EVC2: variants seen among roughly 807,000 people sequenced by gnomAD.
The protein encoded by EVC2 is limbin.
In EVC2, 148 loss-of-function variants were observed where a neutral mutation model predicts 149.3. The observed-to-expected ratio is 0.99, with a 90% CI of 0.87 to 1.14. EVC2 has a LOEUF of 1.14. Among genes scored for constraint, EVC2 ranks in the 50% most tolerant of loss-of-function variants. The pLI is 0.00. For synonymous variants in EVC2, 776 were observed against 649.9 expected, an observed-to-expected ratio of 1.19 and a Z score of -2.95; for missense variants, 1,854 against 1,627.3, an observed-to-expected ratio of 1.14 and a Z score of -2.40.
At chr4:5,532,673 C>T in the EVC2 span, among the ~76,000 whole-genome samples, 1 of 152,152 alleles carries the variant, frequency 6.6e-6, no homozygotes, top group African/African-American at 2.4e-5. Context: ...TAAGTGTGGC[C>T]ACTGCTGCCT....
At chr4:5,544,076 G>C (rs899795282) in intron 21 of EVC2, among the ~76,000 whole-genome samples, 6 of 152,130 alleles carry the variant, frequency 3.9e-5, no homozygotes, top group African/African-American at 1.2e-4. Context: ...ACACCCACTT[G>C]CCACATGAAA....
intron 1 of EVC2, among the ~76,000 whole-genome samples, chr4:5,698,109 G>A (rs920835517): frequency 2.0e-5 from 3 of 152,050 alleles, no homozygotes; most frequent in Non-Finnish European, 4.4e-5. Flanking sequence ...GGCCATTCCC[G>A]GCAGCTTCTG....
rs2108770795 is a variant in EVC2, at chr4:5,568,522, T to A, written c.3479A>T (p.Asp1160Val). The change falls in exon 20 of 22, where the codon GAT becomes GTT. Residue 1160 changes from aspartate to valine, a missense_variant. Physicochemically the swap from Asp to Val is radical, Grantham distance 152 (BLOSUM62 -3). Coordinates refer to ENST00000344408, the MANE Select transcript of EVC2 (RefSeq NM_147127.5). Reference sequence around the variant, plus strand: ...GTCCACATGTCTCTCGGTGGCCGAATCCAGCAGGGCCAGCAGCTGAGGCTG... The same window carrying A: ...GTCCACATGTCTCTCGGTGGCCGAAACCAGCAGGGCCAGCAGCTGAGGCTG... Reference protein sequence around the residue: ...ASQPQLLALLDSATERHVDHA... With the variant: ...ASQPQLLALLVSATERHVDHA... 1.9e-6 allele frequency: 3 copies of A among 1,591,820 alleles called. No individual in the cohort carries two copies. Among genetic ancestry groups the A allele is most frequent in the Non-Finnish European group, 2.6e-6 (3 of 1,175,092 alleles).
intron 16 of EVC2, among the ~76,000 whole-genome samples, chr4:5,593,369 T>A (rs1369554748): frequency 6.6e-6 from 1 of 152,162 alleles, no homozygotes; most frequent in Non-Finnish European, 1.5e-5. Context: ...CAATAAACAT[T>A]TACTCCTGTT....
At chr4:5,536,646 T>C in the EVC2 span, among the ~76,000 whole-genome samples, 4 of 152,026 alleles carry the variant, frequency 2.6e-5, no homozygotes, top group Non-Finnish European at 5.9e-5. Flanking sequence ...TAGCTGGGCA[T>C]GGTGGCGGGC....
At chr4:5,608,565 G>A (rs944697642) in intron 16 of EVC2, among the ~76,000 whole-genome samples, 6 of 152,046 alleles carry the variant, frequency 3.9e-5, no homozygotes, top group African/African-American at 7.2e-5. Context: ...ACAGAGTCTC[G>A]GTCGGTCGTC....
intron 21 of EVC2, among the ~76,000 whole-genome samples, chr4:5,552,760 A>G (rs1285471897): frequency 6.6e-6 from 1 of 152,222 alleles, no homozygotes; most frequent in African/African-American, 2.4e-5. Context: ...GAGACAGACA[A>G]TGAACTGAGA....
At position 5,574,794 on chromosome 4, in the gene EVC2, C is replaced by G. The variant is rs113681497; in HGVS notation, c.3273-22G>C. On this transcript the variant is annotated intron_variant, in intron 18 of 21. Coordinates refer to ENST00000344408, the MANE Select transcript of EVC2 (RefSeq NM_147127.5). ...CAAACTGGAGTGAAAATAAAATATA[C>G]GTAAGTTCAGTTTTGTTATAAAGTG... The G allele has an allele frequency of 1.7e-4, 274 of 1,610,558 alleles. No individual in the cohort carries two copies. The African/African-American group carries it at 2.8e-3, about 16-fold the overall frequency.
chr4:5,671,143 C>T (rs1302870654), intron 7 of EVC2, among the ~76,000 whole-genome samples: 7 of 151,812 alleles, frequency 4.6e-5, no homozygotes, highest in Non-Finnish European at 2.9e-5. Flanking sequence ...TTAACCACCA[C>T]TTTATAAATT....
At chr4:5,539,251 A>G (rs979704239), downstream of EVC2, among the ~76,000 whole-genome samples, 5 of 152,200 alleles carry the variant, frequency 3.3e-5, no homozygotes, top group Non-Finnish European at 7.4e-5. Context: ...AGTACACTGA[A>G]ACCTGTAAAA....
intron 21 of EVC2, among the ~76,000 whole-genome samples, chr4:5,556,178 TCAAAAAAAAA>T (rs1388104522): frequency 6.2e-5 from 1 of 16,120 alleles, no homozygotes; most frequent in African/African-American, 2.3e-4. Context: ...AGACTCCGTC[TCAAAAAAAAA>T]AAAAAAAAAA....
intron 18 of EVC2, among the ~76,000 whole-genome samples, chr4:5,575,256 G>C (rs1456972139): frequency 6.6e-6 from 1 of 152,190 alleles, no homozygotes; most frequent in Non-Finnish European, 1.5e-5. Context: ...CAGCTTTGTG[G>C]ATCTGCCTCG....
chr4:5,700,963 T>G (rs1721788148), intron 1 of EVC2, among the ~76,000 whole-genome samples: 1 of 152,236 alleles, frequency 6.6e-6, no homozygotes, highest in South Asian at 2.1e-4. Context: ...TAATACACAT[T>G]TATTCTCTGA....
the EVC2 span, among the ~76,000 whole-genome samples, chr4:5,532,744 G>A: frequency 2.6e-5 from 4 of 152,008 alleles, no homozygotes; most frequent in Non-Finnish European, 5.9e-5. Context: ...TTAAGACTTC[G>A]TCAAGCACAG....
chr4:5,630,274 G>T (rs928141813), intron 11 of EVC2, among the ~76,000 whole-genome samples: 1 of 152,174 alleles, frequency 6.6e-6, no homozygotes, highest in Admixed American at 6.5e-5. Context: ...CGCTCGGCCT[G>T]GTACTAGCTG....
intron 1 of EVC2, among the ~76,000 whole-genome samples, chr4:5,706,336 A>G (rs1722139829): frequency 7.0e-6 from 1 of 143,458 alleles, no homozygotes; most frequent in Non-Finnish European, 1.5e-5. Flanking sequence ...ATAGATAGAT[A>G]GATACATAGA....
chr4:5,619,317 A>C (rs1715509086), intron 14 of EVC2, among the ~76,000 whole-genome samples: 2 of 152,238 alleles, frequency 1.3e-5, no homozygotes, highest in Admixed American at 1.3e-4. Flanking sequence ...AGCTAAGATG[A>C]GGCCATATTG....
downstream of EVC2, among the ~76,000 whole-genome samples, chr4:5,557,969 A>T (rs1312536518): frequency 1.3e-5 from 2 of 152,132 alleles, no homozygotes; most frequent in Non-Finnish European, 2.9e-5. Flanking sequence ...AATATTGTGG[A>T]GATGTCAATT....
At chr4:5,664,976 G>GGTGA (rs1308239281) in intron 8 of EVC2, among the ~76,000 whole-genome samples, 1 of 150,186 alleles carries the variant, frequency 6.7e-6, no homozygotes, top group Non-Finnish European at 1.5e-5. Context: ...GGTGCGTGTG[G>GGTGA]GTGACAGGAT....
Sources: gnomAD v4.1 joint callset for allele counts (sites outside exome capture counted in the v4.1 genomes callset) on GRCh38, gnomAD v4.1.1 for gene constraint, MANE v1.5 for transcripts, NCBI Gene and HGNC (gene_info 2026-07-23, HGNC 2026-07-21) for gene names.